The following MAP3K7CL variants were observed in gnomAD, a reference collection of about 807,000 sequenced individuals.
MAP3K7CL encodes MAP3K7 C-terminal-like protein.
A neutral mutation model predicts 18.6 loss-of-function variants in MAP3K7CL; 16 were observed. The observed-to-expected ratio is 0.86, with a 90% CI of 0.58 to 1.31. MAP3K7CL has a LOEUF of 1.31. MAP3K7CL is among the 50% of genes most tolerant of loss of function. MAP3K7CL has a pLI of 0.00. For missense variants in MAP3K7CL, 163 were observed against 174.4 expected (o/e 0.93, Z 0.37); for synonymous variants, 65 against 66.8 (o/e 0.97, Z 0.13).
intron 1 of MAP3K7CL, among the ~76,000 whole-genome samples, chr21:29,090,675 G>A (rs1275840785): frequency 6.6e-6 from 1 of 151,992 alleles, no homozygotes; most frequent in Non-Finnish European, 1.5e-5. Flanking sequence ...CACCGCGCCC[G>A]GCAGCTTCTT....
intron 4 of MAP3K7CL, among the ~76,000 whole-genome samples, chr21:29,167,120 T>C (rs2087707948): frequency 6.6e-6 from 1 of 152,254 alleles, no homozygotes; most frequent in African/African-American, 2.4e-5. Context: ...TATGTCATTG[T>C]GGTTTTGATT....
At chr21:29,114,464 C>T (rs28608053) in intron 4 of MAP3K7CL, among the ~76,000 whole-genome samples, 7,725 of 152,242 alleles carry the variant, frequency 0.051, 456 homozygotes, top group East Asian at 0.17. Context: ...AATCACGGCT[C>T]ACTGCAACCT....
chr21:29,135,040 G>A (rs1006535480), intron 2 of MAP3K7CL, among the ~76,000 whole-genome samples: 2 of 144,838 alleles, frequency 1.4e-5, no homozygotes, highest in Admixed American at 7.3e-5. Flanking sequence ...AACAGAGCAG[G>A]ACTCCATCTC....
chr21:29,087,649 A>C (rs2085949281), intron 1 of MAP3K7CL, among the ~76,000 whole-genome samples: 2 of 135,696 alleles, frequency 1.5e-5, no homozygotes, highest in Non-Finnish European at 3.0e-5. Context: ...GCTGAAGTGC[A>C]GCGGCGCGAT....
chr21:29,114,784 A>G (rs528380853), intron 4 of MAP3K7CL, among the ~76,000 whole-genome samples: 2 of 152,300 alleles, frequency 1.3e-5, no homozygotes, highest in East Asian at 1.9e-4. Context: ...TAGGGTGTAG[A>G]CCAGGCCCTG....
chr21:29,089,655 G>A (rs908719964), intron 1 of MAP3K7CL, among the ~76,000 whole-genome samples: 1 of 152,168 alleles, frequency 6.6e-6, no homozygotes, highest in Non-Finnish European at 1.5e-5. Context: ...CATGAATGAA[G>A]CATTAACCTC....
At chr21:29,171,806 C>CAAAAAAA (rs34411156) in intron 4 of MAP3K7CL, among the ~76,000 whole-genome samples, 3 of 83,174 alleles carry the variant, frequency 3.6e-5, no homozygotes, top group Non-Finnish European at 6.9e-5. Context: ...GACTCCATCT[C>CAAAAAAA]AAAAAAAAAA....
rs34978405 is a variant in MAP3K7CL, at chr21:29,154,391, C to CT, written c.132+5155dup. On this transcript the variant is annotated intron_variant, in intron 3 of 4. Transcript: ENST00000399928. Reference sequence around the variant, plus strand: ...CCAAGGTGCTTCGAGAACAATATGACTTTTTTTTTTTTTTAACCAAATTGA... The same window carrying CT: ...CCAAGGTGCTTCGAGAACAATATGACTTTTTTTTTTTTTTTAACCAAATTGA... 1.5e-3 allele frequency among the ~76,000 whole-genome samples: 227 copies of CT among 147,842 alleles called. 1 individual carries two copies. The highest frequency in any genetic ancestry group is 2.7e-3 in the Non-Finnish European group (182 of 66,842).
chr21:29,172,438 T>C (rs1210776686), intron 4 of MAP3K7CL, among the ~76,000 whole-genome samples: 2 of 152,192 alleles, frequency 1.3e-5, no homozygotes, highest in Non-Finnish European at 2.9e-5. Flanking sequence ...ATTTATCTCA[T>C]GACTAGCAGT....
At chr21:29,108,171 G>A in intron 4 of MAP3K7CL, among the ~76,000 whole-genome samples, 1 of 152,072 alleles carries the variant, frequency 6.6e-6, no homozygotes, top group East Asian at 1.9e-4. Context: ...AGGGTCTTTA[G>A]GACCTAATTA....
At chr21:29,141,292 A>C (rs570683328) in intron 2 of MAP3K7CL, among the ~76,000 whole-genome samples, 19 of 152,128 alleles carry the variant, frequency 1.2e-4, no homozygotes, top group African/African-American at 4.6e-4. Context: ...GAGGTGGGGG[A>C]TCATGAGGTC....
intron 2 of MAP3K7CL, among the ~76,000 whole-genome samples, chr21:29,134,990 G>A (rs1382790505): frequency 6.6e-6 from 1 of 150,944 alleles, no homozygotes; most frequent in Admixed American, 6.7e-5. Context: ...GGTGGAGCTT[G>A]CAGTGAGCCG....
At chr21:29,159,872 C>T (rs998348100) in intron 3 of MAP3K7CL, 69 bp from the exon 4 acceptor site, 66 of 1,243,148 alleles carry the variant, frequency 5.3e-5, no homozygotes, top group Admixed American at 1.2e-4. Context: ...AGAACATCAG[C>T]GAGCAAAATG....
Position 29,130,846 on chromosome 21 carries a change from C to G in MAP3K7CL, c.-117C>G, listed in dbSNP as rs2086765936. The G allele has an allele frequency of 1.0e-6, 1 of 985,544 alleles. No homozygotes were observed. The allele number at this position is 985,544 out of a possible 1,614,324, so 61.0% of individuals were successfully genotyped here. A position where few individuals can be genotyped will look rare whatever the true frequency, so the allele number is the denominator to read the frequency against. On this transcript the variant is annotated 5_prime_UTR_variant, in exon 1 of 5. Transcript: ENST00000399928. ...TGCAGCCTGGTCTCTCACTGAGTCTCTACTCCACAAAGGCAACGACTGGCC... is the reference window on the plus strand; with the variant it reads ...TGCAGCCTGGTCTCTCACTGAGTCTGTACTCCACAAAGGCAACGACTGGCC...
At chr21:29,081,500 C>T (rs1168998411), upstream of MAP3K7CL, among the ~76,000 whole-genome samples, 2 of 152,252 alleles carry the variant, frequency 1.3e-5, no homozygotes, top group Non-Finnish European at 2.9e-5. Flanking sequence ...TGGCAGTGAG[C>T]CGAGATCGCG....
At chr21:29,109,858 G>T in intron 4 of MAP3K7CL, 1 of 901,366 alleles carries the variant, frequency 1.1e-6, no homozygotes, top group African/African-American at 1.8e-5. Flanking sequence ...GGATTTCTGG[G>T]TCAAAGGGTA....
chr21:29,114,291 A>G (rs749995911), intron 4 of MAP3K7CL, among the ~76,000 whole-genome samples: 13 of 151,524 alleles, frequency 8.6e-5, no homozygotes, highest in Non-Finnish European at 7.4e-5. Flanking sequence ...CTGGTCTCGA[A>G]CTCTTGGTCA....
intron 4 of MAP3K7CL, among the ~76,000 whole-genome samples, chr21:29,121,669 T>A (rs945450311): frequency 1.3e-5 from 2 of 152,054 alleles, no homozygotes; most frequent in Non-Finnish European, 2.9e-5. Context: ...GTGTTTGGGA[T>A]TTTTAGAAAT....
At chr21:29,169,794 CT>C (rs2087778753) in intron 4 of MAP3K7CL, among the ~76,000 whole-genome samples, 1 of 152,178 alleles carries the variant, frequency 6.6e-6, no homozygotes, top group Non-Finnish European at 1.5e-5. Context: ...AACCAATTGA[CT>C]TGGACTTTCC....
Sources: gnomAD v4.1 joint callset for allele counts (sites outside exome capture counted in the v4.1 genomes callset) on GRCh38, gnomAD v4.1.1 for gene constraint, MANE v1.5 for transcripts, NCBI Gene and HGNC (gene_info 2026-07-23, HGNC 2026-07-21) for gene names.